Variants in PTPRD observed in about 807,000 individuals in gnomAD.
PTPRD encodes protein tyrosine phosphatase receptor type D, also known as receptor-type tyrosine-protein phosphatase delta.
A neutral mutation model predicts 214.5 loss-of-function variants in PTPRD; 34 were observed. That is an observed-to-expected ratio of 0.16 (90% confidence interval 0.12 to 0.21). The LOEUF is 0.21. Ranked by LOEUF, PTPRD falls within the 10% of genes least tolerant of loss-of-function variation. The probability of loss-of-function intolerance (pLI) is 1.00; values close to 1 mark genes in which losing one functional copy is unlikely to be tolerated. For synonymous variants in PTPRD, 1,128 were observed against 845.7 expected (o/e 1.33, Z -5.79); for missense variants, 2,545 against 2,398.7 (o/e 1.06, Z -1.27).
intron 4 of PTPRD, among the ~76,000 whole-genome samples, chr9:10,032,288 C>T (rs1460578660): frequency 6.6e-6 from 1 of 152,072 alleles, no homozygotes; most frequent in African/African-American, 2.4e-5. Flanking sequence ...AAACTAAAGA[C>T]ATTACTAAGA....
At chr9:9,685,467 A>G (rs1435567867) in intron 7 of PTPRD, among the ~76,000 whole-genome samples, 1 of 151,400 alleles carries the variant, frequency 6.6e-6, no homozygotes, top group East Asian at 1.9e-4. Flanking sequence ...TTTACATTTC[A>G]TGATTTAAAT....
chr9:8,392,544 T>G (rs2089949607), intron 36 of PTPRD, among the ~76,000 whole-genome samples: 1 of 152,030 alleles, frequency 6.6e-6, no homozygotes, highest in South Asian at 2.1e-4. Flanking sequence ...GATAAATAAT[T>G]AATATTCTGA....
chr9:8,435,738 C>T lies in PTPRD; in HGVS notation c.4086+854G>A, dbSNP rs571214755. On this transcript the variant is annotated intron_variant, in intron 35 of 45. Coordinates refer to ENST00000381196, the MANE Select transcript of PTPRD (RefSeq NM_002839.4). ...ACACACACACACACACACGCACGCACGTGCATACACACAGGCTTTTAATTT... is the reference window on the plus strand; with the variant it reads ...ACACACACACACACACACGCACGCATGTGCATACACACAGGCTTTTAATTT... Among the ~76,000 whole-genome samples the T allele has an allele frequency of 1.2e-4, 18 of 152,056 alleles. 1 individual carries two copies. The highest frequency in any genetic ancestry group is 4.1e-4 in the African/African-American group (17 of 41,534).
chr9:8,645,978 C>G (rs1435253113), intron 12 of PTPRD, among the ~76,000 whole-genome samples: 1 of 151,616 alleles, frequency 6.6e-6, no homozygotes, highest in East Asian at 1.9e-4. Flanking sequence ...ACTAATATGT[C>G]TTATCCCTCT....
chr9:8,417,109 G>A (rs1490174393), intron 35 of PTPRD, among the ~76,000 whole-genome samples: 2 of 152,086 alleles, frequency 1.3e-5, no homozygotes, highest in African/African-American at 2.4e-5. Flanking sequence ...GCTTAATGAT[G>A]CATTCATCCC....
At chr9:9,170,388 A>G (rs760269469) in intron 10 of PTPRD, among the ~76,000 whole-genome samples, 3 of 152,134 alleles carry the variant, frequency 2.0e-5, no homozygotes, top group Non-Finnish European at 4.4e-5. Context: ...AACAAAATAG[A>G]TTGGGTGGTT....
chr9:10,442,022 C>T (rs539533851), intron 2 of PTPRD, among the ~76,000 whole-genome samples: 7 of 151,516 alleles, frequency 4.6e-5, no homozygotes, highest in South Asian at 2.1e-4. Context: ...TTTTAGTATA[C>T]GCTAAATATA....
chr9:8,821,500 C>T (rs966989454), intron 11 of PTPRD, among the ~76,000 whole-genome samples: 1 of 152,222 alleles, frequency 6.6e-6, no homozygotes, highest in African/African-American at 2.4e-5. Context: ...AGAGGGCATC[C>T]ACTCTTGTCT....
Position 10,166,889 on chromosome 9 carries a change from G to T in PTPRD, c.-544-133099C>A, listed in dbSNP as rs561479723. 8.1e-4 allele frequency among the ~76,000 whole-genome samples: 123 copies of T among 152,070 alleles called. 1 individual carries two copies. The highest frequency in any genetic ancestry group is 2.6e-3 in the African/African-American group (109 of 41,518). On this transcript the variant is annotated intron_variant, in intron 3 of 45. Coordinates refer to ENST00000381196, the MANE Select transcript of PTPRD (RefSeq NM_002839.4). ...ATGCTAATTTCTTTTATATCTTGTA[G>T]GTATACAATAATCAGCTATTCTCCA...
chr9:10,231,080 T>C (rs2099607812), intron 3 of PTPRD, among the ~76,000 whole-genome samples: 1 of 151,908 alleles, frequency 6.6e-6, no homozygotes, highest in Admixed American at 6.6e-5. Context: ...TTGCCTGAAA[T>C]GGAAAAGCTT....
chr9:10,047,523 G>T (rs1029939911), intron 3 of PTPRD, among the ~76,000 whole-genome samples: 2 of 151,906 alleles, frequency 1.3e-5, no homozygotes, highest in Non-Finnish European at 2.9e-5. Flanking sequence ...TATCTTCCTT[G>T]TGTTTGCAAT....
chr9:10,246,600 A>G (rs2092146697), intron 3 of PTPRD, among the ~76,000 whole-genome samples: 1 of 152,220 alleles, frequency 6.6e-6, no homozygotes, highest in Admixed American at 6.6e-5. Context: ...ACAACTACTT[A>G]GGGCAGGAAG....
chr9:8,544,139 G>C (rs1257659355), intron 14 of PTPRD, among the ~76,000 whole-genome samples: 1 of 150,430 alleles, frequency 6.6e-6, no homozygotes, highest in Non-Finnish European at 1.5e-5. Flanking sequence ...CATTAGGCTG[G>C]TGCAAAAGTA....
At chr9:9,964,090 A>G (rs895375435) in intron 4 of PTPRD, among the ~76,000 whole-genome samples, 1 of 152,046 alleles carries the variant, frequency 6.6e-6, no homozygotes, top group Non-Finnish European at 1.5e-5. Context: ...GGAGGCAGAG[A>G]CAGACAAAGA....
At position 8,475,591 on chromosome 9, in the gene PTPRD, A is replaced by T. The variant is rs1025497201; in HGVS notation, c.3414-4506T>A. Among the ~76,000 whole-genome samples, 3 of 152,188 alleles carry T rather than the reference A, an allele frequency of 2.0e-5. No individual in the cohort carries two copies. The East Asian group carries it at 5.8e-4, about 29-fold the overall frequency. On this transcript the variant is annotated intron_variant, in intron 30 of 45. Coordinates refer to ENST00000381196, the MANE Select transcript of PTPRD (RefSeq NM_002839.4). ...CTGGTTTATCTGACTTTAAGTTACA[A>T]AAGTACCCCCAATTTACTGTGGTTA...
intron 7 of PTPRD, among the ~76,000 whole-genome samples, chr9:9,646,103 T>C (rs1317738384): frequency 1.3e-5 from 2 of 152,224 alleles, no homozygotes; most frequent in Non-Finnish European, 2.9e-5. Flanking sequence ...AGCAAGATGC[T>C]TTCCATCTAA....
At chr9:8,396,785 AATT>A (rs2136034338) in intron 36 of PTPRD, among the ~76,000 whole-genome samples, 1 of 152,290 alleles carries the variant, frequency 6.6e-6, no homozygotes, top group Admixed American at 6.5e-5. Context: ...ACACAGCTCT[AATT>A]AGACAGCTCT....
At chr9:9,061,209 ATTTGT>A (rs2154401273) in intron 10 of PTPRD, among the ~76,000 whole-genome samples, 1 of 152,270 alleles carries the variant, frequency 6.6e-6, no homozygotes, top group South Asian at 2.1e-4. Context: ...TTGGTTGTAA[ATTTGT>A]TTTGTGTGTT....
At chr9:10,521,714 G>A (rs193138483) in intron 2 of PTPRD, among the ~76,000 whole-genome samples, 11 of 152,104 alleles carry the variant, frequency 7.2e-5, no homozygotes, top group Admixed American at 2.6e-4. Context: ...GCATGGTGGC[G>A]GGACCCTACA....
Sources: gnomAD v4.1 joint callset for allele counts (sites outside exome capture counted in the v4.1 genomes callset) on GRCh38, gnomAD v4.1.1 for gene constraint, MANE v1.5 for transcripts, NCBI Gene and HGNC (gene_info 2026-07-23, HGNC 2026-07-21) for gene names.